PGM5: variants seen among roughly 807,000 people sequenced by gnomAD.
PGM5 encodes the protein phosphoglucomutase 5.
In PGM5, 23 loss-of-function variants were observed where a neutral mutation model predicts 59.2. That is an observed-to-expected ratio of 0.39 (90% CI 0.28 to 0.55). The LOEUF (loss-of-function observed/expected upper bound fraction) is 0.55, where lower values mean the gene tolerates loss of function less well. PGM5 is among the 20% of genes least tolerant of loss of function. The probability of loss-of-function intolerance (pLI) is 0.66; values close to 1 mark genes in which losing one functional copy is unlikely to be tolerated. For synonymous variants in PGM5, 214 were observed against 286.0 expected (o/e 0.75, Z 2.54); for missense variants, 574 against 748.3 (o/e 0.77, Z 2.72).
intron 7 of PGM5, among the ~76,000 whole-genome samples, chr9:68,470,728 C>A (rs1824006924): frequency 6.6e-6 from 1 of 152,118 alleles, no homozygotes; most frequent in Non-Finnish European, 1.5e-5. Context: ...ACTTCTTTTT[C>A]TTATTTGTGG....
chr9:68,384,241 T>C (rs1197762544), intron 2 of PGM5, among the ~76,000 whole-genome samples, 157 bp from the exon 3 acceptor site: 1 of 151,914 alleles, frequency 6.6e-6, no homozygotes, highest in Non-Finnish European at 1.5e-5. Context: ...ATGAGTACAG[T>C]ATAAGAAATA....
At chr9:68,451,288 G>A (rs1554684314) in intron 6 of PGM5, among the ~76,000 whole-genome samples, 1 of 152,180 alleles carries the variant, frequency 6.6e-6, no homozygotes, top group East Asian at 1.9e-4. Context: ...AATACCACAT[G>A]TTGTCACTTT....
intron 9 of PGM5, 127 bp from the exon 10 acceptor site, chr9:68,499,100 A>G: frequency 2.0e-6 from 2 of 985,468 alleles, no homozygotes; most frequent in African/African-American, 1.6e-5. Flanking sequence ...TCCAGAGCCA[A>G]TATAAATGGT....
At chr9:68,479,610 G>A (rs1194227472) in intron 8 of PGM5, 57 bp downstream of exon 8, 2 of 1,567,526 alleles carry the variant, frequency 1.3e-6, no homozygotes, top group African/African-American at 2.7e-5. Flanking sequence ...CCTAGAACAG[G>A]TTTCTAAAAC....
chr9:68,519,909 A>G lies in PGM5; in HGVS notation c.1615-9658A>G, dbSNP rs527444948. ...GACCTTGTCTTTACAATAAATAAATAAATAAATAAATAAATAAATAAATAA... is the reference window on the plus strand; with the variant it reads ...GACCTTGTCTTTACAATAAATAAATGAATAAATAAATAAATAAATAAATAA... On this transcript the variant is annotated intron_variant, in intron 10 of 10. Transcript: ENST00000396396. Among the ~76,000 whole-genome samples the G allele has an allele frequency of 8.8e-5, 13 of 148,346 alleles. No individual in the cohort carries two copies. The South Asian group carries it at 2.7e-3, about 31-fold the overall frequency.
At chr9:68,450,850 A>G (rs1245398990) in intron 6 of PGM5, among the ~76,000 whole-genome samples, 1 of 152,232 alleles carries the variant, frequency 6.6e-6, no homozygotes, top group African/African-American at 2.4e-5. Flanking sequence ...CTGCATAATT[A>G]ACTGCATTGG....
intron 1 of PGM5, 33 bp downstream of exon 1, chr9:68,357,421 C>T (rs1383693350): frequency 2.6e-6 from 4 of 1,546,394 alleles, no homozygotes; most frequent in Admixed American, 1.9e-5. Context: ...CTTCCCGCCG[C>T]GCCGCCGCCA....
intron 6 of PGM5, among the ~76,000 whole-genome samples, chr9:68,458,142 G>A (rs1384480328): frequency 6.6e-6 from 1 of 152,204 alleles, no homozygotes; most frequent in Admixed American, 6.5e-5. Flanking sequence ...TTTAACAGTT[G>A]AAGAGAGTGA....
At chr9:68,436,083 G>C (rs1260798400) in intron 6 of PGM5, among the ~76,000 whole-genome samples, 2 of 152,142 alleles carry the variant, frequency 1.3e-5, no homozygotes, top group Admixed American at 6.5e-5. Context: ...CTTACTAAGG[G>C]AACTAACCCG....
chr9:68,392,095 G>T (rs1319608903), intron 5 of PGM5, among the ~76,000 whole-genome samples: 3 of 152,096 alleles, frequency 2.0e-5, no homozygotes, highest in Non-Finnish European at 4.4e-5. Flanking sequence ...GACTTCTAAA[G>T]CTTGAGCCAC....
At chr9:68,408,742 G>A (rs1822866873) in intron 6 of PGM5, among the ~76,000 whole-genome samples, 1 of 152,102 alleles carries the variant, frequency 6.6e-6, no homozygotes, top group Non-Finnish European at 1.5e-5. Flanking sequence ...ATCTTGAATT[G>A]ATTTTTGTAT....
At chr9:68,441,717 T>C (rs1823531297) in intron 6 of PGM5, among the ~76,000 whole-genome samples, 1 of 152,158 alleles carries the variant, frequency 6.6e-6, no homozygotes, top group Non-Finnish European at 1.5e-5. Flanking sequence ...CTTTCACCAC[T>C]GTTATTCAAT....
At chr9:68,380,390 T>C (rs1822037227) in intron 2 of PGM5, among the ~76,000 whole-genome samples, 1 of 151,918 alleles carries the variant, frequency 6.6e-6, no homozygotes, top group Non-Finnish European at 1.5e-5. Flanking sequence ...AAAAAATACT[T>C]TGAGATTAAT....
rs572358926 is a variant in PGM5, at chr9:68,399,423, A to G, written c.1043+6950A>G. ...CCATCTCTTGCCTGCTTCTCCAACCAGTCTCTAAATTCCTGCATCTTCAAA... is the reference window on the plus strand; with the variant it reads ...CCATCTCTTGCCTGCTTCTCCAACCGGTCTCTAAATTCCTGCATCTTCAAA... On this transcript the variant is annotated intron_variant, in intron 6 of 10. Transcript: ENST00000396396. Among the ~76,000 whole-genome samples, 121 of 152,324 alleles carry G rather than the reference A, an allele frequency of 7.9e-4. No individual in the cohort carries two copies. The Middle Eastern group carries it at 0.02, about 26-fold the overall frequency.
intron 1 of PGM5, among the ~76,000 whole-genome samples, 155 bp from the exon 2 acceptor site, chr9:68,378,044 C>T (rs566475754): frequency 8.5e-4 from 129 of 151,140 alleles, no homozygotes; most frequent in African/African-American, 3.0e-3. Context: ...GAGACAATGT[C>T]AGTGCTCCCC....
chr9:68,403,064 A>G (rs1822710843), intron 6 of PGM5, among the ~76,000 whole-genome samples: 1 of 152,236 alleles, frequency 6.6e-6, no homozygotes, highest in African/African-American at 2.4e-5. Context: ...ATTTTTATTT[A>G]CAAGTGAACT....
At chr9:68,446,876 A>G (rs1258038854) in intron 6 of PGM5, among the ~76,000 whole-genome samples, 1 of 152,110 alleles carries the variant, frequency 6.6e-6, no homozygotes, top group Non-Finnish European at 1.5e-5. Flanking sequence ...ACATCCTCCC[A>G]TCTCCTGATC....
intron 10 of PGM5, 126 bp downstream of exon 10, chr9:68,499,487 C>A: frequency 9.9e-7 from 1 of 1,006,256 alleles, no homozygotes; most frequent in Non-Finnish European, 1.4e-6. Context: ...AGCTGGAGGA[C>A]AAGCTCAGGG....
At chr9:68,453,278 C>A (rs1823725190) in intron 6 of PGM5, among the ~76,000 whole-genome samples, 1 of 152,160 alleles carries the variant, frequency 6.6e-6, no homozygotes. Flanking sequence ...TTTCAGCCAA[C>A]CCTTTGTATG....
Sources: allele counts gnomAD v4.1 joint callset (sites outside exome capture counted in the v4.1 genomes callset), GRCh38; gene constraint gnomAD v4.1.1; transcripts MANE v1.5; gene names NCBI Gene and HGNC (gene_info 2026-07-23, HGNC 2026-07-21).